Variants in TMBIM1 observed in about 807,000 individuals in gnomAD.
TMBIM1 encodes transmembrane BAX inhibitor motif containing 1, also known as protein lifeguard 3.
TMBIM1 carries 34 observed loss-of-function variants against 45.1 expected under a neutral mutation model. The ratio of observed to expected loss-of-function variants is 0.75; its 90% CI spans 0.57 to 1.00. TMBIM1 has a LOEUF of 1.00. Ranked by LOEUF, TMBIM1 falls within the 50% of genes least tolerant of loss-of-function variation. The pLI is 0.00. For synonymous variants in TMBIM1, 157 were observed against 153.5 expected (o/e 1.02, Z -0.17); for missense variants, 374 against 402.4 (o/e 0.93, Z 0.60).
rs1194344111 is a variant in TMBIM1 at position 218,279,315 on chromosome 2, C to T, written c.342G>A (p.Val114=). 6.3e-7 allele frequency: 1 copy of T among 1,589,328 alleles called. No homozygotes were observed. The highest frequency in any genetic ancestry group is 2.2e-5 in the East Asian group (1 of 44,600). Residue 114 remains valine (V), a synonymous_variant, in exon 4 of 12, where the codon GTG becomes GTA. Transcript: ENST00000258412. ...SIISVQLLIT[V]AIIAIFTFVE... ...CAAAGGTGAAGATAGCAATGATGGC[C>T]ACAGTGATGAGCAGCTGCACGGAGA... is the stretch of plus-strand genomic sequence containing the variant.
At chr2:218,277,241 A>C in intron 9 of TMBIM1, 125 bp downstream of exon 9, 1 of 1,163,900 alleles carries the variant, frequency 8.6e-7, no homozygotes. Flanking sequence ...AACAGGACAC[A>C]GTTTTGTAGG....
In TMBIM1 at chr2:218,277,692, G is replaced by A. The variant is rs757240364; in HGVS notation, c.514-22C>T. ...AAGTCTAAGGGAAGGAGAGAGACAAGAATGAAACACTTAAAAAGGAAGGAA... is the reference window on the plus strand; with the variant it reads ...AAGTCTAAGGGAAGGAGAGAGACAAAAATGAAACACTTAAAAAGGAAGGAA... On this transcript the variant is annotated intron_variant, in intron 7 of 11. Transcript: ENST00000258412. The A allele has an allele frequency of 5.6e-6, 9 of 1,613,976 alleles. No homozygotes were observed. The Admixed American group carries it at 1.2e-4, about 21-fold the overall frequency.
chr2:218,280,725 T>A (rs566019287), intron 2 of TMBIM1: 2 of 152,844 alleles, frequency 1.3e-5, no homozygotes, highest in Admixed American at 1.3e-4. Flanking sequence ...AATGCCTGAA[T>A]GCCTCTTTGG....
At chr2:218,279,263 G>A (rs763159412) in intron 4 of TMBIM1, 26 bp downstream of exon 4, 3 of 1,566,124 alleles carry the variant, frequency 1.9e-6, no homozygotes, top group East Asian at 4.5e-5. Flanking sequence ...GGCAGTAGGA[G>A]TGGGTGGCAA....
chr2:218,292,046 C>T (rs1053439058), intron 1 of TMBIM1, among the ~76,000 whole-genome samples: 1 of 152,084 alleles, frequency 6.6e-6, no homozygotes, highest in African/African-American at 2.4e-5. Context: ...GTCTCCCCTC[C>T]CTCTTCCCTC....
chr2:218,277,156 A>G (rs1691300665), intron 9 of TMBIM1, 57 bp from the exon 10 acceptor site: 1 of 1,499,502 alleles, frequency 6.7e-7, no homozygotes, highest in Non-Finnish European at 9.3e-7. Context: ...CAGCCCAGTC[A>G]GACTGGCCCT....
intron 1 of TMBIM1, among the ~76,000 whole-genome samples, chr2:218,289,260 GA>G (rs10707182): frequency 0.98 from 148,716 of 152,300 alleles, 72,677 homozygotes; most frequent in East Asian, 1. Context: ...GTGGGGACCT[GA>G]AGTTCTTGTC....
intron 10 of TMBIM1, 141 bp downstream of exon 10, chr2:218,276,863 T>G: frequency 1.5e-6 from 1 of 680,748 alleles, no homozygotes; most frequent in Non-Finnish European, 2.6e-6. Context: ...TGCCTCCACG[T>G]TGGTGCCTTT....
At chr2:218,275,997 C>T in intron 11 of TMBIM1, 29 bp downstream of exon 11, 1 of 1,604,090 alleles carries the variant, frequency 6.2e-7, no homozygotes, top group Non-Finnish European at 8.5e-7. Flanking sequence ...CCCCTCAGCT[C>T]CCCTTCCTAG....
At position 218,276,083 on chromosome 2, in the gene TMBIM1, GAGA is replaced by G; in HGVS notation, c.736-7_736-5del. 4 of 1,612,750 alleles carry G rather than the reference GAGA, an allele frequency of 2.5e-6. No individual in the cohort carries two copies. The highest frequency in any genetic ancestry group is 3.4e-6 in the Non-Finnish European group (4 of 1,179,476). On this transcript the variant is annotated splice_polypyrimidine_tract_variant and splice_region_variant and intron_variant, in intron 10 of 11. Coordinates refer to ENST00000258412, the MANE Select transcript of TMBIM1 (RefSeq NM_022152.6). The stretch of plus-strand genomic sequence containing the variant: ...AGAGCATGTGGAGCCAGTAAACCTG[GAGA>G]AGAAGGGGACAGAGAATGGCATTAG...
chr2:218,288,815 A>T (rs1418900345), intron 1 of TMBIM1, among the ~76,000 whole-genome samples: 1 of 152,138 alleles, frequency 6.6e-6, no homozygotes, highest in Non-Finnish European at 1.5e-5. Flanking sequence ...GGGTAAAAGA[A>T]AAGGGAGGGA....
intron 1 of TMBIM1, among the ~76,000 whole-genome samples, chr2:218,283,700 T>C (rs562626221): frequency 6.6e-6 from 1 of 152,286 alleles, no homozygotes; most frequent in East Asian, 1.9e-4. Flanking sequence ...GACTGTCTTA[T>C]CTCTTCTCTT....
At chr2:218,288,069 A>C (rs1412031427) in intron 1 of TMBIM1, among the ~76,000 whole-genome samples, 2 of 152,188 alleles carry the variant, frequency 1.3e-5, no homozygotes, top group Non-Finnish European at 2.9e-5. Context: ...CTGTCTTTTC[A>C]TTGAACTTCA....
intron 1 of TMBIM1, chr2:218,286,367 T>C (rs1692508651): frequency 6.6e-6 from 1 of 151,920 alleles, no homozygotes; most frequent in African/African-American, 2.4e-5. Flanking sequence ...TCCAGCAACA[T>C]GGAGCAAGCC....
chr2:218,277,970 G>C lies in TMBIM1; in HGVS notation c.478C>G (p.Arg160Gly), dbSNP rs750505305. 7.4e-6 allele frequency: 12 copies of C among 1,614,060 alleles called. No homozygotes were observed. In the South Asian group the frequency reaches 1.3e-4, roughly 18 times the overall value. ...AGCAGAATGATGTTCCATGGGAAACGGCGTCTGAAGGGAAAGAGAAGCCTT... is the reference window on the plus strand; with the variant it reads ...AGCAGAATGATGTTCCATGGGAAACCGCGTCTGAAGGGAAAGAGAAGCCTT... ...ILACCQGPRR[R>G]FPWNIILLTL... Residue 160 changes from arginine to glycine, a missense_variant, in exon 7 of 12, where the codon CGT (arginine) becomes GGT (glycine). By Grantham distance (125) the Arg-to-Gly change is moderately radical. Transcript: ENST00000258412.
intron 4 of TMBIM1, 96 bp downstream of exon 4, chr2:218,279,193 C>T: frequency 6.3e-7 from 1 of 1,574,968 alleles, no homozygotes; most frequent in Non-Finnish European, 8.7e-7. Flanking sequence ...TGCCCATGGT[C>T]ACCCTGAGAG....
intron 1 of TMBIM1, among the ~76,000 whole-genome samples, chr2:218,289,433 G>C (rs921772612): frequency 6.6e-6 from 1 of 152,028 alleles, no homozygotes; most frequent in Non-Finnish European, 1.5e-5. Context: ...CTTGAGGTCA[G>C]GTGTTCGAGA....
chr2:218,281,842 A>T, intron 2 of TMBIM1, 98 bp downstream of exon 2: 7 of 961,020 alleles, frequency 7.3e-6, no homozygotes, highest in Non-Finnish European at 1.1e-5. Flanking sequence ...AAGGGATTTA[A>T]GGGAAACTAG....
intron 1 of TMBIM1, among the ~76,000 whole-genome samples, chr2:218,290,476 G>C (rs1005914901): frequency 1.3e-5 from 2 of 152,180 alleles, no homozygotes; most frequent in African/African-American, 4.8e-5. Context: ...TGAAGTACTA[G>C]ACATGCCCTC....
Sources: gnomAD v4.1 joint callset for allele counts (sites outside exome capture counted in the v4.1 genomes callset) on GRCh38, gnomAD v4.1.1 for gene constraint, MANE v1.5 for transcripts, NCBI Gene and HGNC (gene_info 2026-07-23, HGNC 2026-07-21) for gene names.